Variants in OTOG observed in about 807,000 individuals in gnomAD.
OTOG encodes the protein otogelin.
In OTOG, 296 loss-of-function variants were observed where a neutral mutation model predicts 313.8. The ratio of observed to expected loss-of-function variants is 0.94; its 90% CI spans 0.86 to 1.04. The LOEUF (loss-of-function observed/expected upper bound fraction) is 1.04. Among genes scored for constraint, OTOG ranks in the 50% least tolerant of loss-of-function variants. The pLI is 0.00. For missense variants in OTOG, 3,948 were observed against 3,840.1 expected (o/e 1.03, Z -0.74); for synonymous variants, 1,533 against 1,554.9 (o/e 0.99, Z 0.33).
At chr11:17,555,630 A>G in intron 6 of OTOG, 149 bp from the exon 7 acceptor site, 1 of 609,198 alleles carries the variant, frequency 1.6e-6, no homozygotes, top group East Asian at 2.8e-5. Flanking sequence ...CCCCTCTGTG[A>G]TGTATGGGGA....
At chr11:17,613,109 C>T (rs1035329950) in intron 38 of OTOG, among the ~76,000 whole-genome samples, 1 of 152,200 alleles carries the variant, frequency 6.6e-6, no homozygotes, top group Non-Finnish European at 1.5e-5. Context: ...AGGGAATCTC[C>T]TACTAGGATG....
intron 39 of OTOG, among the ~76,000 whole-genome samples, chr11:17,614,899 C>A (rs1267540070): frequency 1.3e-5 from 2 of 151,938 alleles, no homozygotes; most frequent in Admixed American, 6.5e-5. Flanking sequence ...AGTAGATTCC[C>A]GTGTTGAACA....
At chr11:17,563,442 C>T (rs1250907133) in intron 15 of OTOG, among the ~76,000 whole-genome samples, 2 of 152,236 alleles carry the variant, frequency 1.3e-5, no homozygotes, top group African/African-American at 4.8e-5. Context: ...AGGCAGAGGA[C>T]TGGTCTTTCT....
chr11:17,573,395 C>T (rs977628391), intron 19 of OTOG, 105 bp downstream of exon 19: 5 of 1,222,288 alleles, frequency 4.1e-6, no homozygotes, highest in East Asian at 2.6e-5. Context: ...CAGTCTCCTC[C>T]AGCCTGACTG....
intron 38 of OTOG, among the ~76,000 whole-genome samples, chr11:17,613,334 T>TTCCC (rs1324287701): frequency 2.0e-5 from 2 of 97,992 alleles, no homozygotes; most frequent in African/African-American, 8.2e-5. Context: ...CTGCCCTTCC[T>TTCCC]TCCTTCCTTC....
rs1176431794 is a variant in OTOG, at chr11:17,595,993, C to T, written c.3409-45C>T. On this transcript the variant is annotated intron_variant, in intron 28 of 55. Transcript: ENST00000399397. The stretch of plus-strand genomic sequence containing the variant: ...TCTGTCTGTCATGTCAGGCAACAGG[C>T]ATTTGGCAAGTAGGGAGGTCAACAG... The T allele has an allele frequency of 2.2e-6, 3 of 1,338,416 alleles. No homozygotes were observed. In the African/African-American group the frequency reaches 4.4e-5, roughly 19 times the overall value. 82.9% of individuals were successfully genotyped at this position (1,338,416 alleles called of 1,614,324 possible). A position where few individuals can be genotyped will look rare whatever the true frequency, so the allele number is the denominator to read the frequency against.
In OTOG at chr11:17,578,426, G is replaced by T; in HGVS notation, c.2659G>T (p.Asp887Tyr). The T allele has an allele frequency of 6.5e-7, 1 of 1,541,424 alleles. No individual in the cohort carries two copies. Reference sequence around the variant, plus strand: ...CGTGAACTGCAGCGACCTGCACACGGACCTGGAGCTGAGCAGGGAGAGGAC... The same window carrying T: ...CGTGAACTGCAGCGACCTGCACACGTACCTGGAGCTGAGCAGGGAGAGGAC... ...VFVNCSDLHT[D>Y]LELSRERTCE... is the part of the protein sequence containing the mutation. Residue 887 changes from aspartate to tyrosine, a missense_variant, in exon 23 of 56, where the codon GAC becomes TAC. Coordinates refer to ENST00000399397, the MANE Select transcript of OTOG (RefSeq NM_001292063.2).
intron 28 of OTOG, among the ~76,000 whole-genome samples, chr11:17,595,805 T>C (rs975619228): frequency 6.6e-6 from 1 of 152,214 alleles, no homozygotes; most frequent in South Asian, 2.1e-4. Flanking sequence ...GGATCTCATG[T>C]TGGGAATCAT....
rs1462947652 is a variant in OTOG at position 17,645,604 on chromosome 11, C to T, written c.8502C>T (p.Arg2834=). ...GCTCCTGCAAGAAGGTGACCATCCG[C>T]ATGACCATCCGCAAGAATGAATGCA... ...DGRSCKKVTI[R]MTIRKNECRS... Residue 2834 remains arginine (R), a synonymous_variant, in exon 55 of 56, where the codon CGC becomes CGT. Transcript: ENST00000399397. 18 of 1,550,642 alleles carry T rather than the reference C, an allele frequency of 1.2e-5. No individual in the cohort carries two copies. Among genetic ancestry groups the T allele is most frequent in the Non-Finnish European group, 1.5e-5 (17 of 1,147,002 alleles).
chr11:17,574,315 AGTGT>A (rs60387184), intron 19 of OTOG, among the ~76,000 whole-genome samples: 2 of 150,814 alleles, frequency 1.3e-5, no homozygotes, highest in Non-Finnish European at 3.0e-5. Context: ...AGGGGGTAGG[AGTGT>A]GTGTGTGTGT....
At chr11:17,613,261 TTCTTTCTC>T (rs1362387184) in intron 38 of OTOG, among the ~76,000 whole-genome samples, 9 of 134,998 alleles carry the variant, frequency 6.7e-5, no homozygotes, top group African/African-American at 2.5e-4. Context: ...CTTTCTTTCT[TTCTTTCTC>T]TCTCTGTCTG....
chr11:17,628,453 C>CATGGGTTAA (rs1247821438), intron 39 of OTOG, among the ~76,000 whole-genome samples: 2 of 152,068 alleles, frequency 1.3e-5, no homozygotes, highest in African/African-American at 4.8e-5. Context: ...ACCCATGGTA[C>CATGGGTTAA]ATCCAAATTT....
chr11:17,554,982 C>T (rs977720068), intron 6 of OTOG, among the ~76,000 whole-genome samples: 8 of 151,946 alleles, frequency 5.3e-5, no homozygotes, highest in African/African-American at 1.9e-4. Flanking sequence ...GCTTGAAAAC[C>T]CTTTAGTTAG....
In OTOG at chr11:17,612,774, C is replaced by T; in HGVS notation, c.6438+9C>T. 1 of 1,549,512 alleles carries T rather than the reference C, an allele frequency of 6.5e-7. No individual in the cohort carries two copies. The highest frequency in any genetic ancestry group is 8.7e-7 in the Non-Finnish European group (1 of 1,146,412). On this transcript the variant is annotated intron_variant, in intron 38 of 55. Coordinates refer to ENST00000399397, the MANE Select transcript of OTOG (RefSeq NM_001292063.2). ...GCAAAAGTGCCAACCTGGTGCCTGC[C>T]CCATACCTCCCTCCCTGCTGGGGAC...
chr11:17,611,183 C>T lies in OTOG; in HGVS notation c.5883C>T (p.Pro1961=). Residue 1961 remains proline (P), a synonymous_variant, in exon 36 of 56, where the codon CCC becomes CCT. Coordinates refer to ENST00000399397, the MANE Select transcript of OTOG (RefSeq NM_001292063.2). ...AGGCAGGCACAGCTCTGCCAGTGCCCACATCCTATGCCCTGAGCCGTGTCT... is the reference window on the plus strand; with the variant it reads ...AGGCAGGCACAGCTCTGCCAGTGCCTACATCCTATGCCCTGAGCCGTGTCT... The part of the protein sequence containing the change: ...GAQAGTALPV[P]TSYALSRVSA... 1.3e-6 allele frequency: 2 copies of T among 1,550,538 alleles called. No individual in the cohort carries two copies. Among genetic ancestry groups the T allele is most frequent in the African/African-American group, 1.4e-5 (1 of 73,174 alleles).
intron 31 of OTOG, among the ~76,000 whole-genome samples, chr11:17,601,433 C>T (rs1039987537): frequency 2.0e-5 from 3 of 151,442 alleles, no homozygotes; most frequent in Admixed American, 1.3e-4. Flanking sequence ...CACCACTGCT[C>T]CTTCCAGGAA....
Position 17,635,207 on chromosome 11 carries a change from C to T in OTOG, c.7693+20C>T, listed in dbSNP as rs980831677. ...TCTGCGGTGGGTCGCCGCCACCAGA[C>T]GCCAGCGCACACAGCCTGATCACAG... On this transcript the variant is annotated intron_variant, in intron 46 of 55. Transcript: ENST00000399397. 7.9e-6 allele frequency: 12 copies of T among 1,520,356 alleles called. No homozygotes were observed. Among genetic ancestry groups the T allele is most frequent in the South Asian group, 4.8e-5 (4 of 83,148 alleles). 94.2% of individuals were successfully genotyped at this position (1,520,356 alleles called of 1,614,324 possible).
rs74474418 is a variant in OTOG, at chr11:17,618,924, T to C, written c.6528+5223T>C. 7.9e-3 allele frequency among the ~76,000 whole-genome samples: 1,197 copies of C among 152,324 alleles called. 12 individuals are homozygous for C. The highest frequency in any genetic ancestry group is 0.028 in the African/African-American group (1,147 of 41,554). ...ATACCTAATATGTATATCTAAGATG[T>C]ATCTTTTTTAATCCTTTTACTTTAA... On this transcript the variant is annotated intron_variant, in intron 39 of 55. Coordinates refer to ENST00000399397, the MANE Select transcript of OTOG (RefSeq NM_001292063.2).
Position 17,645,857 on chromosome 11 carries a change from CTCTGTGCAGCTCT to C in OTOG, c.8663_8675del (p.Gln2888ProfsTer?). 1 of 1,550,876 alleles carries C rather than the reference CTCTGTGCAGCTCT, an allele frequency of 6.4e-7. No homozygotes were observed. The highest frequency in any genetic ancestry group is 1.4e-5 in the African/African-American group (1 of 73,198). ...GCCGTGAGGTGGGCCTGCAGCGGCG[CTCTGTGCAGCTCT>C]TCTGTGCCACCAATGCCACCTGGGT... On this transcript the variant is annotated frameshift_variant, in exon 56 of 56. Transcript: ENST00000399397. LOFTEE classifies it high-confidence loss of function.
Sources: gnomAD v4.1 joint callset for allele counts (sites outside exome capture counted in the v4.1 genomes callset) on GRCh38, gnomAD v4.1.1 for gene constraint, MANE v1.5 for transcripts, NCBI Gene and HGNC (gene_info 2026-07-23, HGNC 2026-07-21) for gene names.